The following UEVLD variants were observed in gnomAD, a reference collection of about 807,000 sequenced individuals.
The protein encoded by UEVLD is ubiquitin-conjugating enzyme E2 variant 3.
Under a neutral mutation model 58.6 loss-of-function variants are expected in UEVLD, and 47 were observed. The ratio of observed to expected loss-of-function variants is 0.80; its 90% CI spans 0.63 to 1.02. UEVLD has a LOEUF of 1.02. Ranked by LOEUF, UEVLD falls within the 50% of genes least tolerant of loss-of-function variation. UEVLD has a pLI of 0.00. For missense variants in UEVLD, 510 were observed against 550.6 expected (o/e 0.93, Z 0.74); for synonymous variants, 197 against 195.3 (o/e 1.01, Z -0.07).
chr11:18,553,028 G>A (rs980912695), intron 7 of UEVLD, among the ~76,000 whole-genome samples: 3 of 151,500 alleles, frequency 2.0e-5, no homozygotes, highest in East Asian at 1.9e-4. Flanking sequence ...GGTGGCATGC[G>A]CCTATAGTCC....
In UEVLD at chr11:18,531,418, T is replaced by A. The variant is rs1850555335; in HGVS notation, c.*902A>T. ...ATAAGAAAATATTGCTCTTGATCCA[T>A]CACCAAAGTGTGTGTACTCTGAACT... is the stretch of plus-strand genomic sequence containing the variant. On this transcript the variant is annotated 3_prime_UTR_variant, in exon 12 of 12. Coordinates refer to ENST00000396197, the MANE Select transcript of UEVLD (RefSeq NM_001040697.4). 6.6e-6 allele frequency: 1 copy of A among 152,222 alleles called. No individual in the cohort carries two copies. Among genetic ancestry groups the A allele is most frequent in the African/African-American group, 2.4e-5 (1 of 41,456 alleles). 9.4% of individuals were successfully genotyped at this position (152,222 alleles called of 1,614,324 possible).
chr11:18,538,638 G>A (rs912051008), intron 9 of UEVLD, among the ~76,000 whole-genome samples: 4 of 132,222 alleles, frequency 3.0e-5, no homozygotes, highest in Non-Finnish European at 4.9e-5. Flanking sequence ...CTTTACCATG[G>A]TGTTGGGTAC....
At chr11:18,533,175 G>C (rs1489668675) in intron 11 of UEVLD, among the ~76,000 whole-genome samples, 1 of 151,326 alleles carries the variant, frequency 6.6e-6, no homozygotes, top group Non-Finnish European at 1.5e-5. Context: ...TTACAGGCAT[G>C]GGCCACCACA....
rs1482714587 is a variant in UEVLD at position 18,532,460 on chromosome 11, A to C, written c.1276T>G (p.Phe426Val). ...KGYYDINSEV[F>V]LSLPCILGTN... ...CCAAGGATGCAAGGCAAACTTAAAA[A>C]CACTTCACTATTTATATCATAATAT... Residue 426 changes from phenylalanine (F) to valine (V), a missense_variant, in exon 12 of 12, where the codon TTT becomes GTT. Transcript: ENST00000396197. 1 of 1,612,188 alleles carries C rather than the reference A, an allele frequency of 6.2e-7. No homozygotes were observed. The highest frequency in any genetic ancestry group is 2.2e-5 in the East Asian group (1 of 44,778).
At position 18,579,963 on chromosome 11, in the gene UEVLD, T is replaced by C. The variant is rs61884722; in HGVS notation, c.43-1155A>G. Among the ~76,000 whole-genome samples, 1,438 of 151,422 alleles carry C rather than the reference T, an allele frequency of 9.5e-3. 11 individuals are homozygous for C. The highest frequency in any genetic ancestry group is 0.015 in the Non-Finnish European group (1,043 of 67,922). On this transcript the variant is annotated intron_variant, in intron 1 of 11. Transcript: ENST00000396197. ...GGAAAGCATCCCTTGTTCACGGACT[T>C]GAAGACTGTATTGTTAAGATGGCAA...
At chr11:18,580,033 G>A (rs1432451339) in intron 1 of UEVLD, among the ~76,000 whole-genome samples, 1 of 136,394 alleles carries the variant, frequency 7.3e-6, no homozygotes, top group Non-Finnish European at 1.5e-5. Context: ...AATCCCAGCT[G>A]GCTTTTTTTT....
chr11:18,565,826 A>G (rs931480828), intron 5 of UEVLD, among the ~76,000 whole-genome samples: 6 of 152,032 alleles, frequency 3.9e-5, no homozygotes, highest in African/African-American at 1.4e-4. Flanking sequence ...TCAAAAAAAT[A>G]AAAAAATAAA....
At chr11:18,533,426 T>C (rs1358975428) in intron 11 of UEVLD, among the ~76,000 whole-genome samples, 1 of 151,838 alleles carries the variant, frequency 6.6e-6, no homozygotes, top group Non-Finnish European at 1.5e-5. Context: ...GTGATATTTG[T>C]CTTTCTGGCA....
intron 9 of UEVLD, chr11:18,536,750 ACTAT>A: frequency 8.5e-6 from 3 of 352,632 alleles, no homozygotes; most frequent in Non-Finnish European, 1.6e-5. Flanking sequence ...GGGCCATTTT[ACTAT>A]CTAAGTAGAA....
rs370573412 is a variant in UEVLD at position 18,580,908 on chromosome 11, A to C, written c.43-2100T>G. Among the ~76,000 whole-genome samples the C allele has an allele frequency of 1.7e-4, 26 of 152,280 alleles. 1 individual carries two copies. The South Asian group carries it at 4.8e-3, about 28-fold the overall frequency. ...CCAGGCGCGGTGGCTCACGCCTGTA[A>C]TCCCAGCACTTTGGGAGGCTAAGGT... On this transcript the variant is annotated intron_variant, in intron 1 of 11. Coordinates refer to ENST00000396197, the MANE Select transcript of UEVLD (RefSeq NM_001040697.4).
chr11:18,577,423 T>G (rs1429433472), intron 2 of UEVLD, among the ~76,000 whole-genome samples: 2 of 152,216 alleles, frequency 1.3e-5, no homozygotes, highest in Non-Finnish European at 2.9e-5. Flanking sequence ...CTCTGAAAGT[T>G]CAACTTTCCC....
chr11:18,578,759 A>C lies in UEVLD; in HGVS notation c.92T>G (p.Phe31Cys), dbSNP rs777634892. ...CATGGAATATTTGAAATGTGGGAAA[A>C]ATACATTTACATTCCTTAGTTCTTC... ...TVEELRNVNV[F>C]FPHFKYSMDT... Residue 31 changes from phenylalanine (F) to cysteine (C), a missense_variant, in exon 2 of 12, where the codon TTT becomes TGT. Transcript: ENST00000396197. 1 of 1,608,552 alleles carries C rather than the reference A, an allele frequency of 6.2e-7. No homozygotes were observed. The highest frequency in any genetic ancestry group is 2.2e-5 in the East Asian group (1 of 44,800).
intron 6 of UEVLD, among the ~76,000 whole-genome samples, chr11:18,563,183 T>C (rs1196020585): frequency 2.6e-5 from 4 of 152,036 alleles, no homozygotes; most frequent in Admixed American, 2.6e-4. Flanking sequence ...TTGATGTGCA[T>C]GTTATTAGCA....
intron 9 of UEVLD, among the ~76,000 whole-genome samples, chr11:18,544,262 A>G (rs957284233): frequency 6.6e-6 from 1 of 152,198 alleles, no homozygotes; most frequent in Non-Finnish European, 1.5e-5. Flanking sequence ...GTCCTCAGAT[A>G]TATGTGAATG....
intron 3 of UEVLD, among the ~76,000 whole-genome samples, chr11:18,572,562 C>T (rs961861813): frequency 2.4e-4 from 36 of 152,088 alleles, no homozygotes; most frequent in African/African-American, 5.8e-4. Context: ...CCCAGCACTT[C>T]GGGAGGCAGA....
chr11:18,587,822 A>G (rs563286410), intron 1 of UEVLD: 4 of 152,096 alleles, frequency 2.6e-5, no homozygotes, highest in African/African-American at 9.6e-5. Flanking sequence ...CACAAAAAAC[A>G]AAAAACCACC....
intron 6 of UEVLD, chr11:18,563,971 C>G (rs1348559971): frequency 1.7e-5 from 5 of 293,794 alleles, no homozygotes; most frequent in Non-Finnish European, 3.4e-5. Flanking sequence ...TACCACTACA[C>G]TCCAGCCTGG....
At chr11:18,536,545 G>C (rs1470524210) in intron 9 of UEVLD, 76 bp from the exon 10 acceptor site, 1 of 1,236,950 alleles carries the variant, frequency 8.1e-7, no homozygotes, top group Non-Finnish European at 1.2e-6. Flanking sequence ...ATCTTTTGGA[G>C]TCAAGGGTAC....
intron 1 of UEVLD, among the ~76,000 whole-genome samples, chr11:18,586,649 T>C (rs1853574982): frequency 6.6e-6 from 1 of 152,144 alleles, no homozygotes; most frequent in Non-Finnish European, 1.5e-5. Flanking sequence ...GCCTCTCAAG[T>C]AGCGGGGACT....
Sources: allele counts gnomAD v4.1 joint callset (sites outside exome capture counted in the v4.1 genomes callset), GRCh38; gene constraint gnomAD v4.1.1; transcripts MANE v1.5; gene names NCBI Gene and HGNC (gene_info 2026-07-23, HGNC 2026-07-21).